IL12RB2: variants seen among roughly 807,000 people sequenced by gnomAD.
The protein encoded by IL12RB2 is interleukin-12 receptor subunit beta-2.
Under a neutral mutation model 89.4 loss-of-function variants are expected in IL12RB2, and 82 were observed. That is an observed-to-expected ratio of 0.92 (90% CI 0.77 to 1.10). The LOEUF (loss-of-function observed/expected upper bound fraction) is 1.10, where lower values mean the gene tolerates loss of function less well. Among genes scored for constraint, IL12RB2 ranks in the 50% least tolerant of loss-of-function variants. The pLI, the probability that IL12RB2 is intolerant of heterozygous loss-of-function variation, is 0.00. For synonymous variants in IL12RB2, 368 were observed against 370.1 expected (o/e 0.99, Z 0.07); for missense variants, 963 against 1,031.9 (o/e 0.93, Z 0.92).
intron 2 of IL12RB2, among the ~76,000 whole-genome samples, chr1:67,316,126 T>C (rs1192399732): frequency 2.6e-5 from 4 of 152,218 alleles, no homozygotes; most frequent in African/African-American, 9.6e-5. Context: ...GTGCCACAAA[T>C]TGTGGCCTCT....
intron 8 of IL12RB2, among the ~76,000 whole-genome samples, chr1:67,335,809 C>A (rs1250847053): frequency 6.6e-6 from 1 of 152,164 alleles, no homozygotes; most frequent in African/African-American, 2.4e-5. Flanking sequence ...AAATGTTACA[C>A]TTTTTAGAGA....
chr1:67,333,564 G>A (rs1452862078), intron 8 of IL12RB2, among the ~76,000 whole-genome samples: 1 of 151,982 alleles, frequency 6.6e-6, no homozygotes, highest in African/African-American at 2.4e-5. Context: ...ACTCCATAGG[G>A]CCCTTTACTA....
intron 10 of IL12RB2, among the ~76,000 whole-genome samples, chr1:67,365,402 TA>T (rs951684415): frequency 1.3e-5 from 2 of 151,214 alleles, no homozygotes; most frequent in African/African-American, 4.9e-5. Flanking sequence ...CCAGGTTAAC[TA>T]AAAAAAAGAG....
chr1:67,339,973 C>A (rs942875049), intron 9 of IL12RB2, among the ~76,000 whole-genome samples: 1 of 152,194 alleles, frequency 6.6e-6, no homozygotes, highest in Non-Finnish European at 1.5e-5. Flanking sequence ...TTCACTACAC[C>A]TCTTCCAGTT....
At chr1:67,330,575 G>GTTT (rs11463498) in intron 7 of IL12RB2, 85 bp from the exon 8 acceptor site, 1,016 of 617,098 alleles carry the variant, frequency 1.6e-3, no homozygotes, top group Middle Eastern at 3.7e-3. Context: ...AATAGCCTGG[G>GTTT]TTTTTTTTTT....
At chr1:67,384,969 G>C (rs1279837090) in intron 14 of IL12RB2, among the ~76,000 whole-genome samples, 1 of 152,152 alleles carries the variant, frequency 6.6e-6, no homozygotes, top group African/African-American at 2.4e-5. Flanking sequence ...CAAGTCTCTA[G>C]GAAATTCCAA....
chr1:67,336,024 T>C (rs1217117392), intron 8 of IL12RB2, among the ~76,000 whole-genome samples: 1 of 152,218 alleles, frequency 6.6e-6, no homozygotes, highest in Non-Finnish European at 1.5e-5. Flanking sequence ...CAATATGTAA[T>C]TAACTGAAGA....
intron 8 of IL12RB2, among the ~76,000 whole-genome samples, chr1:67,334,284 C>T (rs561668798): frequency 6.6e-6 from 1 of 152,322 alleles, no homozygotes; most frequent in South Asian, 2.1e-4. Context: ...AACATTTTCT[C>T]TACAGGTCCA....
At chr1:67,350,641 G>A (rs754770386) in intron 9 of IL12RB2, among the ~76,000 whole-genome samples, 49 of 152,138 alleles carry the variant, frequency 3.2e-4, no homozygotes, top group Middle Eastern at 3.2e-3. Context: ...AAATCAATGC[G>A]TTCTTAAGAA....
chr1:67,328,415 TTTATAA>T (rs1657621584), intron 6 of IL12RB2, 31 bp downstream of exon 6: 2 of 1,611,746 alleles, frequency 1.2e-6, no homozygotes, highest in African/African-American at 2.7e-5. Flanking sequence ...TCATTGGTAC[TTTATAA>T]TTATTTTTAA....
intron 14 of IL12RB2, among the ~76,000 whole-genome samples, chr1:67,384,172 CG>C (rs1664898796): frequency 6.6e-6 from 1 of 152,200 alleles, no homozygotes. Context: ...ATAAGGGCTC[CG>C]CCCCTGCAGC....
chr1:67,331,663 T>C (rs1393859150), intron 8 of IL12RB2, among the ~76,000 whole-genome samples: 1 of 151,870 alleles, frequency 6.6e-6, no homozygotes, highest in Non-Finnish European at 1.5e-5. Flanking sequence ...CATGGTGAAA[T>C]CCCATCTCTA....
chr1:67,374,718 C>T (rs1335915620), intron 13 of IL12RB2, among the ~76,000 whole-genome samples: 3 of 149,146 alleles, frequency 2.0e-5, no homozygotes, highest in Non-Finnish European at 3.0e-5. Context: ...TCAGGTGATC[C>T]GTCTGCCTTG....
intron 2 of IL12RB2, among the ~76,000 whole-genome samples, chr1:67,317,020 A>G (rs1246536302): frequency 6.6e-6 from 1 of 152,178 alleles, no homozygotes; most frequent in Non-Finnish European, 1.5e-5. Flanking sequence ...ATACATATTT[A>G]TTGAATGAAT....
rs539730718 is a variant in IL12RB2 at position 67,327,139 on chromosome 1, T to A, written c.479+290T>A. ...CCACGCCCAGCTAATTTTTGTATTT[T>A]TAGCAGAGACGGGGTTTCACCATGT... On this transcript the variant is annotated intron_variant, in intron 5 of 16. Coordinates refer to ENST00000674203, the MANE Select transcript of IL12RB2 (RefSeq NM_001374259.2). Among the ~76,000 whole-genome samples, 4 of 151,990 alleles carry A rather than the reference T, an allele frequency of 2.6e-5. No homozygotes were observed. The South Asian group carries it at 8.3e-4, about 32-fold the overall frequency.
At chr1:67,333,461 C>G (rs1466644305) in intron 8 of IL12RB2, among the ~76,000 whole-genome samples, 2 of 150,220 alleles carry the variant, frequency 1.3e-5, no homozygotes, top group Non-Finnish European at 3.0e-5. Context: ...CTTTTTGCAG[C>G]CTTTGCTTCT....
intron 8 of IL12RB2, among the ~76,000 whole-genome samples, chr1:67,337,797 G>A (rs1437977971): frequency 6.6e-6 from 1 of 150,988 alleles, no homozygotes; most frequent in Non-Finnish European, 1.5e-5. Context: ...GAATGGAGAT[G>A]AACACAAGGT....
chr1:67,325,879 CT>C (rs1657216228), intron 4 of IL12RB2, among the ~76,000 whole-genome samples: 1 of 152,134 alleles, frequency 6.6e-6, no homozygotes, highest in African/African-American at 2.4e-5. Context: ...GAGTATTTCT[CT>C]TACCTCCATT....
At chr1:67,394,702 G>T (rs549452969) in intron 16 of IL12RB2, among the ~76,000 whole-genome samples, 3 of 152,120 alleles carry the variant, frequency 2.0e-5, no homozygotes, top group African/African-American at 7.2e-5. Context: ...TGATGTGACC[G>T]CCTCCTATTT....
Sources: allele counts gnomAD v4.1 joint callset (sites outside exome capture counted in the v4.1 genomes callset), GRCh38; gene constraint gnomAD v4.1.1; transcripts MANE v1.5; gene names NCBI Gene and HGNC (gene_info 2026-07-23, HGNC 2026-07-21).